Variants in SNAP25 observed in about 807,000 individuals in gnomAD.
SNAP25 encodes the protein synaptosomal-associated protein 25.
Under a neutral mutation model 28.7 loss-of-function variants are expected in SNAP25, and 3 were observed. The ratio of observed to expected loss-of-function variants is 0.10; its 90% CI spans 0.05 to 0.27. SNAP25 has a LOEUF of 0.27. Ranked by LOEUF, SNAP25 falls within the 10% of genes least tolerant of loss-of-function variation. SNAP25 has a pLI of 1.00. For missense variants in SNAP25, 117 were observed against 278.7 expected (o/e 0.42, Z 4.13); for synonymous variants, 61 against 88.1 (o/e 0.69, Z 1.72).
chr20:10,303,495 C>G (rs1438892149), intron 7 of SNAP25, among the ~76,000 whole-genome samples: 1 of 152,062 alleles, frequency 6.6e-6, no homozygotes, highest in Non-Finnish European at 1.5e-5. Flanking sequence ...TGAGAATTCA[C>G]GATATGAACT....
intron 1 of SNAP25, among the ~76,000 whole-genome samples, chr20:10,220,535 G>A (rs1358247613): frequency 6.6e-6 from 1 of 152,138 alleles, no homozygotes; most frequent in East Asian, 1.9e-4. Context: ...TTCTCTTATG[G>A]CACTGCGGGA....
intron 1 of SNAP25, among the ~76,000 whole-genome samples, chr20:10,270,129 T>C (rs1368764323): frequency 6.6e-6 from 1 of 152,080 alleles, no homozygotes; most frequent in African/African-American, 2.4e-5. Flanking sequence ...GGTGCATGCC[T>C]GTAATCCCAG....
chr20:10,247,000 C>T (rs779918681), intron 1 of SNAP25, among the ~76,000 whole-genome samples: 120 of 152,142 alleles, frequency 7.9e-4, no homozygotes, highest in Non-Finnish European at 9.7e-4. Flanking sequence ...AGCACTGACA[C>T]ACATAAAGAA....
chr20:10,277,186 A>AT (rs1047753587), intron 2 of SNAP25, among the ~76,000 whole-genome samples: 38 of 152,224 alleles, frequency 2.5e-4, no homozygotes, highest in African/African-American at 8.7e-4. Flanking sequence ...AACATGCTTG[A>AT]TTTTTTTCAC....
At chr20:10,277,443 T>C (rs989243867) in intron 2 of SNAP25, among the ~76,000 whole-genome samples, 1 of 152,232 alleles carries the variant, frequency 6.6e-6, no homozygotes, top group African/African-American at 2.4e-5. Flanking sequence ...ATCAGCTTCA[T>C]ATGGTTTTTA....
intron 3 of SNAP25, 42 bp from the exon 4 acceptor site, chr20:10,284,682 C>T: frequency 6.7e-7 from 1 of 1,501,530 alleles, no homozygotes; most frequent in Non-Finnish European, 9.3e-7. Context: ...TCTTTTCTCT[C>T]TCTAACTCCT....
At chr20:10,239,859 C>T (rs1568580095) in intron 1 of SNAP25, among the ~76,000 whole-genome samples, 1 of 152,124 alleles carries the variant, frequency 6.6e-6, no homozygotes, top group African/African-American at 2.4e-5. Context: ...GTAGAAGCCC[C>T]CTGACTTTGG....
intron 3 of SNAP25, among the ~76,000 whole-genome samples, chr20:10,283,245 G>A (rs2063811732): frequency 6.6e-6 from 1 of 152,202 alleles, no homozygotes; most frequent in Admixed American, 6.5e-5. Flanking sequence ...ATATTAATTT[G>A]TTTAACGCAC....
chr20:10,294,616 A>T (rs1164147960), intron 5 of SNAP25, among the ~76,000 whole-genome samples: 1 of 152,210 alleles, frequency 6.6e-6, no homozygotes, highest in Non-Finnish European at 1.5e-5. Flanking sequence ...AGAAAAGGCC[A>T]TCAAGCAATC....
At chr20:10,223,593 C>T (rs1036697820) in intron 1 of SNAP25, among the ~76,000 whole-genome samples, 5 of 151,766 alleles carry the variant, frequency 3.3e-5, no homozygotes, top group African/African-American at 4.8e-5. Flanking sequence ...AGGGGCTACA[C>T]AAGCATCAAG....
intron 6 of SNAP25, among the ~76,000 whole-genome samples, chr20:10,297,591 G>A (rs1211706952): frequency 2.6e-5 from 4 of 152,214 alleles, no homozygotes; most frequent in Non-Finnish European, 5.9e-5. Context: ...TACCACCATA[G>A]TCCTGGGGGA....
At chr20:10,277,768 T>C (rs1309466215) in intron 3 of SNAP25, 42 bp downstream of exon 3, 9 of 1,553,188 alleles carry the variant, frequency 5.8e-6, no homozygotes, top group Non-Finnish European at 7.1e-6. Context: ...ACAAATCCCT[T>C]ATGCTGATAC....
chr20:10,246,705 A>G (rs1224131373), intron 1 of SNAP25, among the ~76,000 whole-genome samples: 1 of 152,158 alleles, frequency 6.6e-6, no homozygotes, highest in African/African-American at 2.4e-5. Context: ...GAAAGAATAG[A>G]TGTGCCCTTC....
intron 5 of SNAP25, among the ~76,000 whole-genome samples, chr20:10,294,709 C>T (rs1223205801): frequency 3.4e-5 from 5 of 148,454 alleles, no homozygotes; most frequent in African/African-American, 1.3e-4. Context: ...AGGAGTCTAG[C>T]AAAGATATTC....
At chr20:10,303,826 T>C (rs965824792) in intron 7 of SNAP25, among the ~76,000 whole-genome samples, 4 of 152,294 alleles carry the variant, frequency 2.6e-5, no homozygotes, top group Non-Finnish European at 5.9e-5. Context: ...ATGCTGCATA[T>C]ACAGCAAACA....
intron 7 of SNAP25, 128 bp from the exon 8 acceptor site, chr20:10,306,001 G>C (rs1019787747): frequency 1.4e-6 from 1 of 699,968 alleles, no homozygotes; most frequent in Admixed American, 2.3e-5. Flanking sequence ...CAAAAGAAAG[G>C]ATGGCCCATG....
At chr20:10,225,290 C>T (rs1177381479) in intron 1 of SNAP25, among the ~76,000 whole-genome samples, 1 of 151,332 alleles carries the variant, frequency 6.6e-6, no homozygotes. Context: ...CAATGTCTTT[C>T]CACCAAGGTA....
chr20:10,284,816 A>G lies in SNAP25; in HGVS notation c.163+44A>G, dbSNP rs1254427104. The G allele has an allele frequency of 2.7e-6, 4 of 1,502,952 alleles. No homozygotes were observed. In the African/African-American group the frequency reaches 5.5e-5, roughly 21 times the overall value. The allele number at this position is 1,502,952 out of a possible 1,614,324, so 93.1% of individuals were successfully genotyped here. On this transcript the variant is annotated intron_variant, in intron 4 of 7. Transcript: ENST00000254976. ...AGTAAGAACAATTCCTCTTCTGAAT[A>G]ATGTGCATTTTAAAATTATTTGTGC...
intron 4 of SNAP25, among the ~76,000 whole-genome samples, chr20:10,291,208 G>A (rs1015725712): frequency 1.3e-5 from 2 of 152,062 alleles, no homozygotes; most frequent in African/African-American, 4.8e-5. Context: ...CAAGTAGCTG[G>A]GATTACAGGC....
Sources: gnomAD v4.1 joint callset for allele counts (sites outside exome capture counted in the v4.1 genomes callset) on GRCh38, gnomAD v4.1.1 for gene constraint, MANE v1.5 for transcripts, NCBI Gene and HGNC (gene_info 2026-07-23, HGNC 2026-07-21) for gene names.